STX5: variants seen among roughly 807,000 people sequenced by gnomAD.
The protein encoded by STX5 is syntaxin-5.
In STX5, 15 loss-of-function variants were observed where a neutral mutation model predicts 42.9. That is an observed-to-expected ratio of 0.35 (90% CI 0.23 to 0.54). The LOEUF (loss-of-function observed/expected upper bound fraction) is 0.54. STX5 is among the 20% of genes least tolerant of loss of function. The pLI, the probability that STX5 is intolerant of heterozygous loss-of-function variation, is 0.91. For missense variants in STX5, 430 were observed against 455.0 expected, an observed-to-expected ratio of 0.95 and a Z score of 0.50; for synonymous variants, 184 against 173.2, an observed-to-expected ratio of 1.06 and a Z score of -0.49.
rs2084859672 is a variant in STX5 at position 62,831,330 on chromosome 11, A to G, written c.-19-68T>C. On this transcript the variant is annotated intron_variant, in intron 1 of 10. Transcript: ENST00000294179. ...ACCCAAACTCCCCCGCCCCACCCCA[A>G]TCAACAAATCCCCGAGCCCCTTCTG... 6 of 1,145,364 alleles carry G rather than the reference A, an allele frequency of 5.2e-6. No individual in the cohort carries two copies. In the South Asian group the frequency reaches 7.9e-5, roughly 15 times the overall value. The allele number at this position is 1,145,364 out of a possible 1,614,324, so 71.0% of individuals were successfully genotyped here.
chr11:62,825,941 CGA>C (rs1314378816), intron 5 of STX5, among the ~76,000 whole-genome samples: 1 of 152,120 alleles, frequency 6.6e-6, no homozygotes, highest in Non-Finnish European at 1.5e-5. Context: ...ACTGTAGTTT[CGA>C]GAGGCATCAA....
At chr11:62,817,997 T>A (rs914728594) in intron 10 of STX5, among the ~76,000 whole-genome samples, 1 of 151,864 alleles carries the variant, frequency 6.6e-6, no homozygotes, top group Non-Finnish European at 1.5e-5. Flanking sequence ...AGAGGCTGGG[T>A]GTGGTGGCTC....
chr11:62,824,727 GGAT>G (rs143452511), intron 8 of STX5, among the ~76,000 whole-genome samples, 162 bp from the exon 9 acceptor site: 62,234 of 151,772 alleles, frequency 0.41, 15,313 homozygotes, highest in Non-Finnish European at 0.57. Flanking sequence ...GTAAAATGGG[GGAT>G]AATAATAGTT....
chr11:62,826,604 T>C (rs1443745055), intron 5 of STX5, among the ~76,000 whole-genome samples: 2 of 149,446 alleles, frequency 1.3e-5, no homozygotes, highest in South Asian at 2.1e-4. Context: ...AAGTTATTAT[T>C]ACAGTCGAGT....
Position 62,831,272 on chromosome 11 carries a change from A to G in STX5, c.-19-10T>C, listed in dbSNP as rs1474458040. On this transcript the variant is annotated splice_polypyrimidine_tract_variant and intron_variant, in intron 1 of 10. Coordinates refer to ENST00000294179, the MANE Select transcript of STX5 (RefSeq NM_003164.5). Reference sequence around the variant, plus strand: ...GACGCATAACCTCGGACTGTTGTGGAGGGGAGAGTGTCATTCCCCAGGCAA... The same window carrying G: ...GACGCATAACCTCGGACTGTTGTGGGGGGGAGAGTGTCATTCCCCAGGCAA... 10 of 1,537,372 alleles carry G rather than the reference A, an allele frequency of 6.5e-6. No homozygotes were observed. The highest frequency in any genetic ancestry group is 7.9e-6 in the Non-Finnish European group (9 of 1,134,264).
chr11:62,819,611 G>C (rs532344879), intron 10 of STX5, among the ~76,000 whole-genome samples: 25 of 151,484 alleles, frequency 1.7e-4, no homozygotes, highest in African/African-American at 5.3e-4. Context: ...TCCGCCCCCA[G>C]GGCTCAGGAG....
chr11:62,819,672 T>C (rs2084717235), intron 10 of STX5, among the ~76,000 whole-genome samples: 1 of 151,722 alleles, frequency 6.6e-6, no homozygotes, highest in Non-Finnish European at 1.5e-5. Context: ...GGGACCAAGA[T>C]GTGCATCACC....
chr11:62,819,581 A>G lies in STX5; in HGVS notation c.908+4585T>C, dbSNP rs867203444. Among the ~76,000 whole-genome samples the G allele has an allele frequency of 2.3e-4, 35 of 151,856 alleles. 1 individual carries two copies. In the South Asian group the frequency reaches 5.0e-3, roughly 22 times the overall value. On this transcript the variant is annotated intron_variant, in intron 10 of 10. Coordinates refer to ENST00000294179, the MANE Select transcript of STX5 (RefSeq NM_003164.5). ...CACCCAGGCTGGAGTGCAGTGGCCC[A>G]ATCTCTGCTCACTGCAACCTCCGCC...
In STX5 at chr11:62,819,169, C is replaced by T. The variant is rs2084709395; in HGVS notation, c.908+4997G>A. Among the ~76,000 whole-genome samples the T allele has an allele frequency of 2.5e-5, 3 of 122,294 alleles. No homozygotes were observed. The Admixed American group carries it at 3.3e-4, about 13-fold the overall frequency. 80.2% of individuals were successfully genotyped at this position (122,294 alleles called of 152,430 possible). On this transcript the variant is annotated intron_variant, in intron 10 of 10. Coordinates refer to ENST00000294179, the MANE Select transcript of STX5 (RefSeq NM_003164.5). ...CCAGGAGACAGAGCTTGCAGTAAGC[C>T]GAGATCGTGCCACTGTACTCCAGCC...
At chr11:62,827,478 A>C in intron 3 of STX5, 80 bp from the exon 4 acceptor site, 1 of 1,612,884 alleles carries the variant, frequency 6.2e-7, no homozygotes, top group Non-Finnish European at 8.5e-7. Context: ...CCAATCCCAG[A>C]CTTCACAGCC....
intron 2 of STX5, among the ~76,000 whole-genome samples, chr11:62,829,929 GT>G (rs1039867274): frequency 6.6e-6 from 1 of 151,832 alleles, no homozygotes; most frequent in African/African-American, 2.4e-5. Context: ...GCCGGGCGTG[GT>G]GACGGGCACC....
chr11:62,829,132 A>G (rs117594399), intron 2 of STX5, among the ~76,000 whole-genome samples: 3,180 of 152,146 alleles, frequency 0.021, 57 homozygotes, highest in Non-Finnish European at 0.027. Flanking sequence ...ATTGTTGAAA[A>G]AAACACTCCC....
chr11:62,824,326 T>G (rs773423557), intron 9 of STX5, 39 bp from the exon 10 acceptor site: 4 of 1,613,960 alleles, frequency 2.5e-6, no homozygotes, highest in Admixed American at 1.7e-5. Context: ...ACCAACAGCT[T>G]CTTCAGGGTC....
chr11:62,815,487 C>T (rs1293704067), intron 10 of STX5, among the ~76,000 whole-genome samples: 1 of 151,166 alleles, frequency 6.6e-6, no homozygotes, highest in Non-Finnish European at 1.5e-5. Context: ...CTGAATAATA[C>T]ATAATATTAG....
chr11:62,815,071 G>A (rs911332447), intron 10 of STX5, among the ~76,000 whole-genome samples: 1 of 150,646 alleles, frequency 6.6e-6, no homozygotes, highest in Non-Finnish European at 1.5e-5. Flanking sequence ...GCAGTGGTAC[G>A]ATCTCGGCTC....
intron 10 of STX5, among the ~76,000 whole-genome samples, chr11:62,822,608 CCTT>C (rs1274378525): frequency 6.6e-6 from 1 of 152,016 alleles, no homozygotes; most frequent in Non-Finnish European, 1.5e-5. Context: ...TGTGATGCCA[CCTT>C]CTTAATAGGG....
In STX5 at chr11:62,809,059, C is replaced by G. The variant is rs1248712175; in HGVS notation, c.909-1431G>C. Among the ~76,000 whole-genome samples, 3 of 149,216 alleles carry G rather than the reference C, an allele frequency of 2.0e-5. No individual in the cohort carries two copies. In the East Asian group the frequency reaches 6.1e-4, roughly 31 times the overall value. Reference sequence around the variant, plus strand: ...ATCCCAGCACTTTGGGAGGCCGAGGCAGGCCGATCACGAAGTCAGGAGATT... The same window carrying G: ...ATCCCAGCACTTTGGGAGGCCGAGGGAGGCCGATCACGAAGTCAGGAGATT... On this transcript the variant is annotated intron_variant, in intron 10 of 10. Coordinates refer to ENST00000294179, the MANE Select transcript of STX5 (RefSeq NM_003164.5).
In STX5 at chr11:62,816,575, T is replaced by C. The variant is rs553523832; in HGVS notation, c.908+7591A>G. ...GGATTAACTTTGCCTAACCCCCAAA[T>C]TTTCATAGTAAAAAAACGAAAAAAG... On this transcript the variant is annotated intron_variant, in intron 10 of 10. Coordinates refer to ENST00000294179, the MANE Select transcript of STX5 (RefSeq NM_003164.5). 2.4e-4 allele frequency among the ~76,000 whole-genome samples: 36 copies of C among 151,974 alleles called. 1 individual carries two copies. The South Asian group carries it at 7.3e-3, about 31-fold the overall frequency.
At position 62,807,571 on chromosome 11, in the gene STX5, G is replaced by A. The variant is rs1418870699; in HGVS notation, c.966C>T (p.Ile322=). 1.2e-6 allele frequency: 2 copies of A among 1,614,086 alleles called. No individual in the cohort carries two copies. Among genetic ancestry groups the A allele is most frequent in the East Asian group, 2.2e-5 (1 of 44,902 alleles). ...AGGTGACAGACTGGAAGTACTTGAGGATCTCTGAATGGGCGGCCTCAACGT... is the reference window on the plus strand; with the variant it reads ...AGGTGACAGACTGGAAGTACTTGAGAATCTCTGAATGGGCGGCCTCAACGT... The part of the protein sequence containing the change: ...QLDVEAAHSE[I]LKYFQSVTSN... Residue 322 remains isoleucine, a synonymous_variant, in exon 11 of 11, where the codon ATC becomes ATT. Coordinates refer to ENST00000294179, the MANE Select transcript of STX5 (RefSeq NM_003164.5).
Sources: gnomAD v4.1 joint callset for allele counts (sites outside exome capture counted in the v4.1 genomes callset) on GRCh38, gnomAD v4.1.1 for gene constraint, MANE v1.5 for transcripts, NCBI Gene and HGNC (gene_info 2026-07-23, HGNC 2026-07-21) for gene names.